The following GATAD2B variants were observed in gnomAD, a reference collection of about 807,000 sequenced individuals.
GATAD2B encodes GATA zinc finger domain containing 2B.
GATAD2B carries 8 observed loss-of-function variants against 64.3 expected under a neutral mutation model. The observed-to-expected ratio is 0.12, with a 90% CI of 0.07 to 0.22. The LOEUF (loss-of-function observed/expected upper bound fraction) is 0.22, where lower values mean the gene tolerates loss of function less well. GATAD2B is among the 10% of genes least tolerant of loss of function. The pLI, the probability that GATAD2B is intolerant of heterozygous loss-of-function variation, is 1.00. For synonymous variants in GATAD2B, 281 were observed against 271.3 expected, an observed-to-expected ratio of 1.04 and a Z score of -0.35; for missense variants, 453 against 752.0, an observed-to-expected ratio of 0.60 and a Z score of 4.65.
chr1:153,919,419 A>C (rs1678363116), intron 1 of GATAD2B, among the ~76,000 whole-genome samples: 3 of 152,214 alleles, frequency 2.0e-5, no homozygotes, highest in Non-Finnish European at 4.4e-5. Context: ...ACAAGGGAGA[A>C]GGTAAAAGAT....
In GATAD2B at chr1:153,828,343, T is replaced by G; in HGVS notation, c.5A>C (p.Asp2Ala). ...GCGAAGAGCATCTTCTGTCATTCTA[T>G]CCATCCTATGGAAAGAAAAATACAA... M[D>A]RMTEDALRLN... The change falls in exon 2 of 11, where the codon GAT becomes GCT. Residue 2 changes from aspartate (D) to alanine (A), a missense_variant. Around this residue, in one of 2 missense-constraint regions of GATAD2B, gnomAD observed 293 missense variants for 417.2 expected, o/e 0.70. Coordinates refer to ENST00000368655, the MANE Select transcript of GATAD2B (RefSeq NM_020699.4). 6.2e-7 allele frequency: 1 copy of G among 1,607,218 alleles called. No individual in the cohort carries two copies. Among genetic ancestry groups the G allele is most frequent in the Non-Finnish European group, 8.5e-7 (1 of 1,179,230 alleles).
intron 1 of GATAD2B, chr1:153,852,599 G>T: frequency 1.3e-6 from 1 of 780,146 alleles, no homozygotes; most frequent in Non-Finnish European, 2.4e-6. Flanking sequence ...TTTTCTGATT[G>T]GCACTATGCA....
chr1:153,849,044 T>C (rs1195454465), intron 1 of GATAD2B, among the ~76,000 whole-genome samples: 3 of 152,008 alleles, frequency 2.0e-5, no homozygotes, highest in Non-Finnish European at 2.9e-5. Flanking sequence ...TTTGTTTTGT[T>C]TAGAGATGGA....
intron 1 of GATAD2B, among the ~76,000 whole-genome samples, chr1:153,900,729 A>T (rs2101959852): frequency 6.6e-6 from 1 of 152,216 alleles, no homozygotes; most frequent in South Asian, 2.1e-4. Flanking sequence ...TAGGTTTTGG[A>T]GGCCTTAACA....
rs759980032 is a variant in GATAD2B at position 153,920,466 on chromosome 1, C to A, written c.-2+2267G>T. On this transcript the variant is annotated intron_variant, in intron 1 of 10. Transcript: ENST00000368655. ...CCCTGTGGCCCTATGCTAAGCACAG[C>A]AGTAAAAGTTACTGCCAGAATTTAG... 4.6e-5 allele frequency among the ~76,000 whole-genome samples: 7 copies of A among 152,224 alleles called. No individual in the cohort carries two copies. In the South Asian group the frequency reaches 8.3e-4, roughly 18 times the overall value.
At chr1:153,845,114 T>A (rs188672791) in intron 1 of GATAD2B, among the ~76,000 whole-genome samples, 3 of 152,178 alleles carry the variant, frequency 2.0e-5, no homozygotes, top group Admixed American at 2.0e-4. Flanking sequence ...ACAAAAAGAC[T>A]CAAATCAAAC....
intron 1 of GATAD2B, among the ~76,000 whole-genome samples, chr1:153,904,803 T>TCCTGCC (rs1557831407): frequency 6.6e-6 from 1 of 152,118 alleles, no homozygotes; most frequent in Non-Finnish European, 1.5e-5. Context: ...GCCTCCCTGC[T>TCCTGCC]TCAAGCAATT....
chr1:153,835,718 TTTATTA>T (rs966382230), intron 1 of GATAD2B, among the ~76,000 whole-genome samples: 13 of 152,080 alleles, frequency 8.5e-5, no homozygotes, highest in South Asian at 4.1e-4. Context: ...TAACTTTTAT[TTTATTA>T]TTATTATTAT....
At chr1:153,842,644 TTATGTATG>T (rs71093293) in intron 1 of GATAD2B, among the ~76,000 whole-genome samples, 85 of 150,378 alleles carry the variant, frequency 5.7e-4, no homozygotes, top group African/African-American at 1.9e-3. Context: ...TTTTAAAATT[TTATGTATG>T]TATGTATGTA....
chr1:153,869,583 G>A (rs561955442), intron 1 of GATAD2B, among the ~76,000 whole-genome samples: 2 of 152,162 alleles, frequency 1.3e-5, no homozygotes, highest in Non-Finnish European at 2.9e-5. Context: ...GTATCCACAC[G>A]ATGTTCCAGG....
chr1:153,854,943 C>CA (rs1018126995), intron 1 of GATAD2B, among the ~76,000 whole-genome samples: 3 of 151,892 alleles, frequency 2.0e-5, no homozygotes, highest in Middle Eastern at 3.4e-3. Flanking sequence ...ACGGTCTCTT[C>CA]AAAAAAGTTG....
chr1:153,883,629 T>C (rs962127600), intron 1 of GATAD2B, among the ~76,000 whole-genome samples: 5 of 152,216 alleles, frequency 3.3e-5, no homozygotes, highest in Non-Finnish European at 7.3e-5. Flanking sequence ...GTAAGTATGA[T>C]TGTCTATTTT....
chr1:153,845,023 TTAAAA>T (rs1439957783), intron 1 of GATAD2B, among the ~76,000 whole-genome samples: 4 of 152,136 alleles, frequency 2.6e-5, no homozygotes, highest in Non-Finnish European at 5.9e-5. Context: ...TCTGTTAGAA[TTAAAA>T]TGACTTTAAA....
At chr1:153,815,303 A>AAAAAAAG (rs1557780311) in intron 7 of GATAD2B, among the ~76,000 whole-genome samples, 12 of 148,810 alleles carry the variant, frequency 8.1e-5, no homozygotes, top group African/African-American at 2.7e-4. Flanking sequence ...CAAAAAAAAA[A>AAAAAAAG]AAAAGAAAAG....
In GATAD2B at chr1:153,811,510, G is replaced by T. The variant is rs147356229; in HGVS notation, c.1648+221C>A. The T allele has an allele frequency of 1.7e-4, 105 of 604,084 alleles. 1 individual carries two copies. In the East Asian group the frequency reaches 3.0e-3, roughly 17 times the overall value. 37.4% of individuals were successfully genotyped at this position (604,084 alleles called of 1,614,324 possible). A position where few individuals can be genotyped will look rare whatever the true frequency, so the allele number is the denominator to read the frequency against. On this transcript the variant is annotated intron_variant, in intron 10 of 10. Transcript: ENST00000368655. ...GGATATTAAAAGTTAAATTGATAATGGTAGGATCTGGGTCATTTTCACCAC... is the reference window on the plus strand; with the variant it reads ...GGATATTAAAAGTTAAATTGATAATTGTAGGATCTGGGTCATTTTCACCAC...
chr1:153,830,074 T>C (rs1487988259), intron 1 of GATAD2B, among the ~76,000 whole-genome samples: 1 of 151,994 alleles, frequency 6.6e-6, no homozygotes, highest in East Asian at 1.9e-4. Context: ...CCAGCCTGGG[T>C]GACAGAGTGA....
At chr1:153,883,418 CTA>C (rs902268327) in intron 1 of GATAD2B, among the ~76,000 whole-genome samples, 4 of 152,226 alleles carry the variant, frequency 2.6e-5, no homozygotes, top group Admixed American at 1.3e-4. Context: ...TGATACCGTA[CTA>C]TCTCAGTCAC....
chr1:153,818,140 A>T lies in GATAD2B; in HGVS notation c.629T>A (p.Val210Asp). ...TPVVQNAASI[V>D]QPSPAHVGQQ... The stretch of plus-strand genomic sequence containing the variant: ...TCCCACATGGGCAGGAGATGGCTGA[A>T]CAATAGATGCTGCATTCTGTACAAC... Residue 210 changes from valine (V) to aspartate (D), a missense_variant, in exon 5 of 11, where the codon GTT becomes GAT. Val to Asp is a radical substitution (Grantham distance 152). This residue lies in a region of GATAD2B where 293 missense variants were observed against 417.2 expected (regional missense o/e 0.70). Coordinates refer to ENST00000368655, the MANE Select transcript of GATAD2B (RefSeq NM_020699.4). 2 of 1,612,932 alleles carry T rather than the reference A, an allele frequency of 1.2e-6. No homozygotes were observed. The highest frequency in any genetic ancestry group is 1.7e-6 in the Non-Finnish European group (2 of 1,179,430).
intron 1 of GATAD2B, among the ~76,000 whole-genome samples, chr1:153,888,295 T>C (rs1412958281): frequency 1.3e-5 from 2 of 152,118 alleles, no homozygotes; most frequent in Non-Finnish European, 2.9e-5. Flanking sequence ...GAAAATCATA[T>C]GGAGCATTAT....
Sources: gnomAD v4.1 joint callset for allele counts (sites outside exome capture counted in the v4.1 genomes callset) on GRCh38, gnomAD v4.1.1 for gene constraint, gnomAD v4.1.1 regional missense constraint, MANE v1.5 for transcripts, NCBI Gene and HGNC (gene_info 2026-07-23, HGNC 2026-07-21) for gene names.